The following TRIM44 variants were observed in gnomAD, a reference collection of about 807,000 sequenced individuals.
TRIM44 encodes the protein tripartite motif-containing protein 44.
TRIM44 carries 13 observed loss-of-function variants against 37.4 expected under a neutral mutation model. The ratio of observed to expected loss-of-function variants is 0.35; its 90% CI spans 0.23 to 0.55. The LOEUF is 0.55. Ranked by LOEUF, TRIM44 falls within the 20% of genes least tolerant of loss-of-function variation. TRIM44 has a pLI of 0.89. For synonymous variants in TRIM44, 175 were observed against 157.2 expected, an observed-to-expected ratio of 1.11 and a Z score of -0.85; for missense variants, 426 against 437.2, an observed-to-expected ratio of 0.97 and a Z score of 0.23.
chr11:35,759,243 A>G (rs1396896020), intron 4 of TRIM44, among the ~76,000 whole-genome samples: 3 of 151,970 alleles, frequency 2.0e-5, no homozygotes, highest in Non-Finnish European at 4.4e-5. Context: ...GCTTCATTTC[A>G]TTCATTTGAT....
chr11:35,769,632 T>G (rs1852840698), intron 4 of TRIM44, among the ~76,000 whole-genome samples: 2 of 152,180 alleles, frequency 1.3e-5, no homozygotes. Context: ...GGATAATTAA[T>G]AGTACTTATG....
intron 2 of TRIM44, 98 bp from the exon 3 acceptor site, chr11:35,725,826 C>T: frequency 7.6e-7 from 1 of 1,316,538 alleles, no homozygotes. Flanking sequence ...GGATAGGATC[C>T]ATGGTGTGTA....
In TRIM44 at chr11:35,726,158, G is replaced by A; in HGVS notation, c.982G>A (p.Ala328Thr). The A allele has an allele frequency of 6.2e-7, 1 of 1,613,812 alleles. No individual in the cohort carries two copies. Among genetic ancestry groups the A allele is most frequent in the Non-Finnish European group, 8.5e-7 (1 of 1,179,852 alleles). ...CTCTAATGAATCAGCTGAGCCAAAG[G>A]CAGAGGTAAAGGAAAAGCCCATAAT... ...DTSNESAEPK[A>T]EGDEEGPSGA... is the part of the protein sequence containing the mutation. The change falls in exon 3 of 5, where the codon GCA becomes ACA. Residue 328 changes from alanine to threonine, a missense_variant. Physicochemically the swap from Ala to Thr is moderately conservative, Grantham distance 58. Transcript: ENST00000299413.
At chr11:35,787,363 A>G (rs1565027929) in intron 4 of TRIM44, among the ~76,000 whole-genome samples, 2 of 152,226 alleles carry the variant, frequency 1.3e-5, no homozygotes, top group Admixed American at 6.5e-5. Flanking sequence ...ATGATAGAGC[A>G]GCTACAGTAC....
Position 35,724,614 on chromosome 11 carries a change from T to C in TRIM44, c.748-1310T>C, listed in dbSNP as rs928490657. ...AATAAATACAGTTGCTGGTAAAATT[T>C]GGAGTTTAGAAGTTCTCATTTTGAT... On this transcript the variant is annotated intron_variant, in intron 2 of 4. Coordinates refer to ENST00000299413, the MANE Select transcript of TRIM44 (RefSeq NM_017583.6). 5.9e-5 allele frequency among the ~76,000 whole-genome samples: 9 copies of C among 152,230 alleles called. No homozygotes were observed. The South Asian group carries it at 1.2e-3, about 21-fold the overall frequency.
At chr11:35,726,966 C>T (rs1266254780) in intron 3 of TRIM44, among the ~76,000 whole-genome samples, 1 of 151,668 alleles carries the variant, frequency 6.6e-6, no homozygotes, top group Non-Finnish European at 1.5e-5. Context: ...TTGAGACCAG[C>T]CTGGGCAACA....
chr11:35,701,468 T>G (rs1851788281), intron 2 of TRIM44, among the ~76,000 whole-genome samples: 1 of 152,074 alleles, frequency 6.6e-6, no homozygotes, highest in South Asian at 2.1e-4. Flanking sequence ...TTAAGATAGT[T>G]AATGGAGGGA....
At chr11:35,755,837 G>T (rs1852630055) in intron 4 of TRIM44, among the ~76,000 whole-genome samples, 1 of 152,152 alleles carries the variant, frequency 6.6e-6, no homozygotes, top group South Asian at 2.1e-4. Context: ...TTATTTCTGA[G>T]GGTTCTGTTC....
intron 4 of TRIM44, among the ~76,000 whole-genome samples, chr11:35,749,442 T>C (rs1189434635): frequency 3.9e-5 from 6 of 152,138 alleles, no homozygotes; most frequent in Non-Finnish European, 8.8e-5. Context: ...CCCAGCACTT[T>C]GAGAGGCCTA....
At chr11:35,663,850 C>A in intron 1 of TRIM44, 70 bp downstream of exon 1, 2 of 1,509,666 alleles carry the variant, frequency 1.3e-6, no homozygotes, top group Admixed American at 2.2e-5. Context: ...GGTGGCCTGG[C>A]TGTGACCACA....
rs1853449292 is a variant in TRIM44 at position 35,806,405 on chromosome 11, G to GA, written c.*24dup. On this transcript the variant is annotated 3_prime_UTR_variant, in exon 5 of 5. Coordinates refer to ENST00000299413, the MANE Select transcript of TRIM44 (RefSeq NM_017583.6). ...ACATGAAGGCTTGCTACCCCCAGTG[G>GA]AAAATCATCCCCTCCCCTTGTGTGT... 6.2e-7 allele frequency: 1 copy of GA among 1,613,498 alleles called. No homozygotes were observed. The highest frequency in any genetic ancestry group is 1.3e-5 in the African/African-American group (1 of 75,000).
At chr11:35,743,112 A>C (rs1471242118) in intron 4 of TRIM44, among the ~76,000 whole-genome samples, 2 of 152,154 alleles carry the variant, frequency 1.3e-5, no homozygotes, top group Non-Finnish European at 2.9e-5. Flanking sequence ...AGGCTTCTTC[A>C]GATTGGAAAA....
chr11:35,731,365 T>C (rs1674387419), intron 3 of TRIM44, among the ~76,000 whole-genome samples: 1 of 152,208 alleles, frequency 6.6e-6, no homozygotes, highest in African/African-American at 2.4e-5. Context: ...ATTATTCTGT[T>C]GTAATGGTTA....
At chr11:35,697,146 GT>G (rs1851713231) in intron 2 of TRIM44, among the ~76,000 whole-genome samples, 1 of 151,166 alleles carries the variant, frequency 6.6e-6, no homozygotes, top group Non-Finnish European at 1.5e-5. Context: ...CATGTGCCAT[GT>G]TGGTGTGCTG....
intron 2 of TRIM44, among the ~76,000 whole-genome samples, chr11:35,708,727 C>T (rs1851923399): frequency 2.0e-5 from 3 of 151,348 alleles, no homozygotes; most frequent in Admixed American, 1.3e-4. Context: ...CACATGGACG[C>T]AGGAAGGGGA....
intron 2 of TRIM44, among the ~76,000 whole-genome samples, chr11:35,689,874 A>G (rs1321819560): frequency 6.6e-6 from 1 of 152,176 alleles, no homozygotes; most frequent in Non-Finnish European, 1.5e-5. Context: ...ACCTCTTATT[A>G]TGTAGTTAAT....
In TRIM44 at chr11:35,718,984, C is replaced by T. The variant is rs148588248; in HGVS notation, c.748-6940C>T. On this transcript the variant is annotated intron_variant, in intron 2 of 4. Transcript: ENST00000299413. ...CACAGTTGATTTATTGTTTTACCTA[C>T]CAAAGAACATCTTGGCTGCTTCCAA... 1.8e-3 allele frequency among the ~76,000 whole-genome samples: 269 copies of T among 151,732 alleles called. 2 individuals carry two copies. Among genetic ancestry groups the T allele is most frequent in the African/African-American group, 6.3e-3 (259 of 41,354 alleles).
rs1411824495 is a variant in TRIM44 at position 35,808,468 on chromosome 11, C to T, written c.*2083C>T. 6.6e-6 allele frequency: 1 copy of T among 152,118 alleles called. No homozygotes were observed. Among genetic ancestry groups the T allele is most frequent in the Non-Finnish European group, 1.5e-5 (1 of 68,020 alleles). 9.4% of individuals were successfully genotyped at this position (152,118 alleles called of 1,614,324 possible). A position where few individuals can be genotyped will look rare whatever the true frequency, so the allele number is the denominator to read the frequency against. ...TCCCCAATAATCATTGTTTGATCTC[C>T]AAATAGTAGCCTTATATTAGCAATA... On this transcript the variant is annotated 3_prime_UTR_variant, in exon 5 of 5. Coordinates refer to ENST00000299413, the MANE Select transcript of TRIM44 (RefSeq NM_017583.6).
intron 4 of TRIM44, among the ~76,000 whole-genome samples, chr11:35,758,976 T>C (rs902701631): frequency 1.3e-4 from 20 of 152,320 alleles, no homozygotes; most frequent in African/African-American, 4.3e-4. Flanking sequence ...CAGTTATGTG[T>C]CTTGGAGTTG....
Sources: gnomAD v4.1 joint callset for allele counts (sites outside exome capture counted in the v4.1 genomes callset) on GRCh38, gnomAD v4.1.1 for gene constraint, MANE v1.5 for transcripts, NCBI Gene and HGNC (gene_info 2026-07-23, HGNC 2026-07-21) for gene names.